DUXB: variants seen among roughly 807,000 people sequenced by gnomAD.
The protein encoded by DUXB is double homeobox protein B.
A neutral mutation model predicts 8.9 loss-of-function variants in DUXB; 22 were observed. The observed-to-expected ratio is 2.46, with a 90% CI of 1.76 to 3.52. The LOEUF (loss-of-function observed/expected upper bound fraction) is 3.52, where lower values mean the gene tolerates loss of function less well. Among genes scored for constraint, DUXB ranks in the 30% most tolerant of loss-of-function variants. DUXB has a pLI of 0.00. For synonymous variants in DUXB, 84 were observed against 37.6 expected (o/e 2.23, Z -4.52); for missense variants, 237 against 108.7 (o/e 2.18, Z -5.25).
chr16:75,695,206 G>A (rs1472219695), intron 4 of DUXB, among the ~76,000 whole-genome samples: 1 of 152,184 alleles, frequency 6.6e-6, no homozygotes, highest in Non-Finnish European at 1.5e-5. Context: ...AAGTATAGGT[G>A]AGTTGAATCT....
intron 4 of DUXB, among the ~76,000 whole-genome samples, chr16:75,695,453 A>G (rs555551413): frequency 7.0e-4 from 107 of 152,354 alleles, no homozygotes; most frequent in Middle Eastern, 6.8e-3. Flanking sequence ...ATGAGCACTT[A>G]ACATACGCTA....
Position 75,694,177 on chromosome 16 carries a change from T to G in DUXB, c.790A>C (p.Ile264Leu). 2.1e-6 allele frequency: 1 copy of G among 476,872 alleles called. No individual in the cohort carries two copies. The highest frequency in any genetic ancestry group is 3.6e-6 in the Non-Finnish European group (1 of 274,316). 29.5% of individuals were successfully genotyped at this position (476,872 alleles called of 1,614,324 possible). A position where few individuals can be genotyped will look rare whatever the true frequency, so the allele number is the denominator to read the frequency against. ...IIPNHLLTLP[I>L]LTKDLDTPTP... ...GGAGTATCTAAGTCCTTTGTCAGAA[T>G]TGGCAGTGTCAGGAGGTGATTCGGA... is the stretch of plus-strand genomic sequence containing the variant. Residue 264 changes from isoleucine (I) to leucine (L), a missense_variant, in exon 5 of 5, where the codon ATT becomes CTT. Transcript: ENST00000633875.
intron 4 of DUXB, among the ~76,000 whole-genome samples, chr16:75,695,346 G>A (rs2082597208): frequency 3.3e-5 from 5 of 152,160 alleles, no homozygotes; most frequent in Non-Finnish European, 7.4e-5. Context: ...CGTAGTTTGT[G>A]TACATGTGTA....
rs144146955 is a variant in DUXB, at chr16:75,701,170, A to G, written c.25+224T>C. 7.1e-3 allele frequency among the ~76,000 whole-genome samples: 1,079 copies of G among 152,210 alleles called. 13 individuals carry two copies. Among genetic ancestry groups the G allele is most frequent in the African/African-American group, 0.024 (1,013 of 41,544 alleles). Reference sequence around the variant, plus strand: ...TCAACTTTAAAACTTTAGGTAGATGACCCTTGTATGGGACTCATGGCTGCC... The same window carrying G: ...TCAACTTTAAAACTTTAGGTAGATGGCCCTTGTATGGGACTCATGGCTGCC... On this transcript the variant is annotated intron_variant, in intron 1 of 4. Coordinates refer to ENST00000633875, the MANE Select transcript of DUXB (RefSeq NM_001351307.2).
chr16:75,696,369 G>T (rs2082607413), intron 3 of DUXB, among the ~76,000 whole-genome samples: 1 of 152,132 alleles, frequency 6.6e-6, no homozygotes, highest in Non-Finnish European at 1.5e-5. Flanking sequence ...CTGGCCAACT[G>T]GTGAAACCCC....
At chr16:75,696,194 A>G (rs1371688647) in intron 3 of DUXB, 79 bp from the exon 4 acceptor site, 7 of 671,054 alleles carry the variant, frequency 1.0e-5, no homozygotes, top group South Asian at 8.1e-5. Flanking sequence ...AATGCTGGCC[A>G]TATTTGTTCT....
chr16:75,700,368 G>A (rs1264456933), intron 1 of DUXB, among the ~76,000 whole-genome samples, 199 bp from the exon 2 acceptor site: 3 of 152,008 alleles, frequency 2.0e-5, no homozygotes, highest in African/African-American at 7.3e-5. Context: ...GGAATAGCTG[G>A]GACTACAGGT....
In DUXB at chr16:75,696,812, C is replaced by G. The variant is rs759795560; in HGVS notation, c.286+26G>C. On this transcript the variant is annotated intron_variant, in intron 3 of 4. Coordinates refer to ENST00000633875, the MANE Select transcript of DUXB (RefSeq NM_001351307.2). ...GCAGAATTTGGGCACAACGTACTCT[C>G]AATGGGACCCATTGAGCATTCTTAC... The G allele has an allele frequency of 1.0e-5, 7 of 699,654 alleles. No homozygotes were observed. In the South Asian group the frequency reaches 1.0e-4, roughly 10 times the overall value. 43.3% of individuals were successfully genotyped at this position (699,654 alleles called of 1,614,324 possible).
rs531812398 is a variant in DUXB, at chr16:75,696,079, A to T, written c.323T>A (p.Phe108Tyr). 129 of 703,056 alleles carry T rather than the reference A, an allele frequency of 1.8e-4. No homozygotes were observed. The South Asian group carries it at 1.9e-3, about 10-fold the overall frequency. 43.6% of individuals were successfully genotyped at this position (703,056 alleles called of 1,614,324 possible). Reference sequence around the variant, plus strand: ...CCTGTTTTTTTGAGTCCATGTGATGAATGTCTGTTTTTGTCGGGCTTCTTT... The same window carrying T: ...CCTGTTTTTTTGAGTCCATGTGATGTATGTCTGTTTTTGTCGGGCTTCTTT... The part of the protein sequence containing the change: ...LPKEARQKQT[F>Y]ITWTQKNRLV... Residue 108 changes from phenylalanine (F) to tyrosine (Y), a missense_variant, in exon 4 of 5, where the codon TTC becomes TAC. Physicochemically the swap from Phe to Tyr is conservative, Grantham distance 22. Coordinates refer to ENST00000633875, the MANE Select transcript of DUXB (RefSeq NM_001351307.2).
At chr16:75,699,798 T>A (rs1201991502) in intron 2 of DUXB, among the ~76,000 whole-genome samples, 1 of 152,338 alleles carries the variant, frequency 6.6e-6, no homozygotes, top group African/African-American at 2.4e-5. Flanking sequence ...CCTGACCTCG[T>A]CATCCGCCTG....
chr16:75,695,031 C>T (rs1330834416), intron 4 of DUXB, among the ~76,000 whole-genome samples: 1 of 151,834 alleles, frequency 6.6e-6, no homozygotes, highest in Non-Finnish European at 1.5e-5. Context: ...TTTTGTTTTT[C>T]TTTTTTATGT....
intron 3 of DUXB, 37 bp downstream of exon 3, chr16:75,696,801 C>T (rs2151832914): frequency 1.5e-6 from 1 of 688,650 alleles, no homozygotes; most frequent in East Asian, 2.7e-5. Flanking sequence ...AATTTGGGCA[C>T]AACGTACTCT....
chr16:75,700,326 T>C, intron 1 of DUXB, 157 bp from the exon 2 acceptor site: 1 of 500,086 alleles, frequency 2.0e-6, no homozygotes, highest in Non-Finnish European at 3.5e-6. Context: ...CCTCCGCTCC[T>C]GGGTTCAAGC....
At chr16:75,697,344 A>T (rs1196245835) in intron 2 of DUXB, among the ~76,000 whole-genome samples, 1 of 152,230 alleles carries the variant, frequency 6.6e-6, no homozygotes, top group Non-Finnish European at 1.5e-5. Context: ...CATGCAATAC[A>T]TATGGAATTA....
At position 75,700,389 on chromosome 16, in the gene DUXB, G is replaced by A. The variant is rs370380431; in HGVS notation, c.26-220C>T. On this transcript the variant is annotated intron_variant, in intron 1 of 4. Coordinates refer to ENST00000633875, the MANE Select transcript of DUXB (RefSeq NM_001351307.2). The stretch of plus-strand genomic sequence containing the variant: ...GCTGGGACTACAGGTATGCACCACT[G>A]TGCCTGGCTATTTTTTTTTCTTTGT... 4.6e-5 allele frequency among the ~76,000 whole-genome samples: 7 copies of A among 152,050 alleles called. No individual in the cohort carries two copies. The East Asian group carries it at 5.8e-4, about 13-fold the overall frequency.
intron 4 of DUXB, among the ~76,000 whole-genome samples, chr16:75,694,926 G>A (rs1261200247): frequency 6.6e-6 from 1 of 152,168 alleles, no homozygotes; most frequent in African/African-American, 2.4e-5. Flanking sequence ...TGGTATTCAG[G>A]AGAAGGTCCT....
chr16:75,694,617 T>G lies in DUXB; in HGVS notation c.442-92A>C, dbSNP rs1237347540. The G allele has an allele frequency of 1.3e-5, 9 of 676,836 alleles. No individual in the cohort carries two copies. The East Asian group carries it at 2.5e-4, about 18-fold the overall frequency. The allele number at this position is 676,836 out of a possible 1,614,324, so 41.9% of individuals were successfully genotyped here. ...CTATAAAACAAAGGAGCTATTAACCTAAGGACAAATCACAGGGTGATTTTA... is the reference window on the plus strand; with the variant it reads ...CTATAAAACAAAGGAGCTATTAACCGAAGGACAAATCACAGGGTGATTTTA... On this transcript the variant is annotated intron_variant, in intron 4 of 4. Transcript: ENST00000633875.
intron 2 of DUXB, 115 bp from the exon 3 acceptor site, chr16:75,697,058 C>G: frequency 3.2e-6 from 2 of 623,452 alleles, no homozygotes; most frequent in Non-Finnish European, 5.7e-6. Flanking sequence ...ATAATGCCCA[C>G]AAGAGAAAGG....
intron 2 of DUXB, chr16:75,698,508 G>T (rs1004118051): frequency 9.2e-5 from 14 of 152,100 alleles, no homozygotes; most frequent in Admixed American, 9.2e-4. Context: ...TTCTTTACAG[G>T]TATCTCTTTT....
Sources: allele counts gnomAD v4.1 joint callset (sites outside exome capture counted in the v4.1 genomes callset), GRCh38; gene constraint gnomAD v4.1.1; transcripts MANE v1.5; gene names NCBI Gene and HGNC (gene_info 2026-07-23, HGNC 2026-07-21).